Variants in NALCN observed in about 807,000 individuals in gnomAD.
The protein encoded by NALCN is sodium leak channel NALCN.
In NALCN, 111 loss-of-function variants were observed where a neutral mutation model predicts 225.3. That is an observed-to-expected ratio of 0.49 (90% CI 0.42 to 0.58). The LOEUF is 0.58. Among genes scored for constraint, NALCN ranks in the 20% least tolerant of loss-of-function variants. NALCN has a pLI of 0.00. For missense variants in NALCN, 1,378 were observed against 2,202.4 expected (o/e 0.63, Z 7.49); for synonymous variants, 764 against 769.0 (o/e 0.99, Z 0.11).
intron 10 of NALCN, among the ~76,000 whole-genome samples, chr13:101,279,409 T>C (rs529680918): frequency 5.3e-4 from 80 of 152,330 alleles, no homozygotes; most frequent in African/African-American, 1.8e-3. Flanking sequence ...AAGTTACTCA[T>C]TGGAAGAAGA....
chr13:101,184,446 A>G (rs2039367982), intron 14 of NALCN, among the ~76,000 whole-genome samples: 2 of 152,126 alleles, frequency 1.3e-5, no homozygotes, highest in African/African-American at 2.4e-5. Context: ...CTCCTCTGAA[A>G]CAGCCCAGAT....
intron 18 of NALCN, among the ~76,000 whole-genome samples, chr13:101,115,090 C>T (rs2035642042): frequency 6.6e-6 from 1 of 152,122 alleles, no homozygotes; most frequent in Non-Finnish European, 1.5e-5. Context: ...ATTTTCTTTT[C>T]TGATCACTCC....
chr13:101,370,694 G>T (rs962924423), intron 6 of NALCN, among the ~76,000 whole-genome samples: 1 of 152,130 alleles, frequency 6.6e-6, no homozygotes, highest in African/African-American at 2.4e-5. Context: ...AATAGTGCAG[G>T]CACAATTGCT....
Position 101,191,848 on chromosome 13 carries a change from C to A in NALCN, c.1764+69G>T. On this transcript the variant is annotated intron_variant, in intron 14 of 43. Transcript: ENST00000251127. ...TCCCATTTTGAAATTGACAATAGGC[C>A]AAATATCTGTTGATGTTCATCCCAT... 15 of 1,517,828 alleles carry A rather than the reference C, an allele frequency of 9.9e-6. 1 individual carries two copies. The South Asian group carries it at 1.9e-4, about 19-fold the overall frequency. The allele number at this position is 1,517,828 out of a possible 1,614,324, so 94.0% of individuals were successfully genotyped here. A position where few individuals can be genotyped will look rare whatever the true frequency, so the allele number is the denominator to read the frequency against.
In NALCN at chr13:101,054,699, GT is replaced by G. The variant is rs1240175426; in HGVS notation, c.*595del. Reference sequence around the variant, plus strand: ...CATAACTGAGGACAGAAATCAACTTGTTCTGGTCACCAAATGTCTTGTGTAT... The same window carrying G: ...CATAACTGAGGACAGAAATCAACTTGTCTGGTCACCAAATGTCTTGTGTAT... On this transcript the variant is annotated 3_prime_UTR_variant, in exon 44 of 44. Transcript: ENST00000251127. The G allele has an allele frequency of 6.6e-6, 1 of 152,184 alleles. No individual in the cohort carries two copies. Among genetic ancestry groups the G allele is most frequent in the Non-Finnish European group, 1.5e-5 (1 of 68,032 alleles). The allele number at this position is 152,184 out of a possible 1,614,324, so 9.4% of individuals were successfully genotyped here.
intron 3 of NALCN, among the ~76,000 whole-genome samples, chr13:101,390,286 C>A (rs1379639856): frequency 1.3e-5 from 2 of 151,058 alleles, no homozygotes; most frequent in African/African-American, 4.9e-5. Context: ...AAAGAAAGAA[C>A]AAAAACTGTT....
chr13:101,410,764 A>C (rs1246691490), intron 1 of NALCN, among the ~76,000 whole-genome samples: 5 of 152,234 alleles, frequency 3.3e-5, no homozygotes, highest in African/African-American at 1.2e-4. Flanking sequence ...TGTAGATACT[A>C]TTAACTGAAA....
intron 1 of NALCN, among the ~76,000 whole-genome samples, chr13:101,404,570 G>C (rs1264318951): frequency 6.6e-6 from 1 of 151,412 alleles, no homozygotes; most frequent in Non-Finnish European, 1.5e-5. Context: ...AGATGAAGTA[G>C]TAATTAGTTA....
rs2046711916 is a variant in NALCN, at chr13:101,376,966, T to C, written c.466A>G (p.Ile156Val). Residue 156 changes from isoleucine (I) to valine (V), a missense_variant, in exon 5 of 44, where the codon ATT becomes GTT. Coordinates refer to ENST00000251127, the MANE Select transcript of NALCN (RefSeq NM_052867.4). The part of the protein sequence containing the change: ...RPLIMIRAFR[I>V]YFRFELPRTR... ...CTTGGCAGTTCAAATCGGAAATAAA[T>C]CCGGAATGCTCGGATCATAATCAGT... is the stretch of plus-strand genomic sequence containing the variant. 1 of 1,614,132 alleles carries C rather than the reference T, an allele frequency of 6.2e-7. No homozygotes were observed. Among genetic ancestry groups the C allele is most frequent in the Non-Finnish European group, 8.5e-7 (1 of 1,180,026 alleles).
rs1032553235 is a variant in NALCN, at chr13:101,247,015, A to G, written c.1267-9093T>C. 3.3e-5 allele frequency among the ~76,000 whole-genome samples: 5 copies of G among 152,180 alleles called. 1 individual carries two copies. The East Asian group carries it at 9.6e-4, about 29-fold the overall frequency. ...AAGAGGCAGGAAGGAATTCTAAACG[A>G]GGTTAACCTCTTTGTTGACCAGAAA... On this transcript the variant is annotated intron_variant, in intron 11 of 43. Transcript: ENST00000251127.
intron 15 of NALCN, among the ~76,000 whole-genome samples, chr13:101,157,911 C>G (rs1006189372): frequency 1.3e-5 from 2 of 152,024 alleles, no homozygotes; most frequent in Non-Finnish European, 1.5e-5. Context: ...CGCCACCACA[C>G]CCAGCTAATT....
chr13:101,076,018 G>C, intron 34 of NALCN, 77 bp from the exon 35 acceptor site: 1 of 1,229,276 alleles, frequency 8.1e-7, no homozygotes, highest in Non-Finnish European at 1.2e-6. Flanking sequence ...TAAGCCTTCT[G>C]TGAAGTATAC....
At chr13:101,363,413 G>A (rs980671435) in intron 6 of NALCN, among the ~76,000 whole-genome samples, 4 of 152,040 alleles carry the variant, frequency 2.6e-5, no homozygotes, top group African/African-American at 9.7e-5. Context: ...GAATGGAATA[G>A]AAAACCCAGA....
chr13:101,369,739 T>C (rs1348616823), intron 6 of NALCN, among the ~76,000 whole-genome samples: 2 of 152,146 alleles, frequency 1.3e-5, no homozygotes, highest in Non-Finnish European at 2.9e-5. Flanking sequence ...TCTTTTTCCA[T>C]TTTCATATTC....
chr13:101,107,636 G>T, intron 21 of NALCN, 27 bp from the exon 22 acceptor site: 1 of 1,613,970 alleles, frequency 6.2e-7, no homozygotes, highest in East Asian at 2.2e-5. Flanking sequence ...ATGGGAGAAT[G>T]AGGCTAAGGG....
intron 20 of NALCN, among the ~76,000 whole-genome samples, chr13:101,109,268 T>C (rs1040250936): frequency 6.6e-6 from 1 of 152,196 alleles, no homozygotes. Flanking sequence ...AACAATATGG[T>C]AGCCAATCAG....
intron 10 of NALCN, among the ~76,000 whole-genome samples, chr13:101,268,805 C>T (rs1332109495): frequency 6.6e-6 from 1 of 152,180 alleles, no homozygotes; most frequent in Non-Finnish European, 1.5e-5. Context: ...TTTATGAAAG[C>T]TTCAATTTAG....
chr13:101,145,463 GAC>G (rs1467672123), intron 15 of NALCN, among the ~76,000 whole-genome samples: 4 of 152,170 alleles, frequency 2.6e-5, no homozygotes, highest in African/African-American at 2.4e-5. Flanking sequence ...AACATGCTTG[GAC>G]ACGACGAACT....
In NALCN at chr13:101,191,895, G is replaced by GA. The variant is rs5806198; in HGVS notation, c.1764+21dup. The GA allele has an allele frequency of 0.21, 330,368 of 1,563,978 alleles. 33,959 individuals are homozygous for GA. Among genetic ancestry groups the GA allele is most frequent in the African/African-American group, 0.37 (26,090 of 71,444 alleles). ...CCATTATAAATTCCAAGATATAATT[G>GA]AAAAAAAAATGCTGAACTCACCAGA... On this transcript the variant is annotated intron_variant, in intron 14 of 43. Transcript: ENST00000251127.
Sources: gnomAD v4.1 joint callset for allele counts (sites outside exome capture counted in the v4.1 genomes callset) on GRCh38, gnomAD v4.1.1 for gene constraint, MANE v1.5 for transcripts, NCBI Gene and HGNC (gene_info 2026-07-23, HGNC 2026-07-21) for gene names.